CLSTN2: variants seen among roughly 807,000 people sequenced by gnomAD.
CLSTN2 encodes calsyntenin-2.
In CLSTN2, 48 loss-of-function variants were observed where a neutral mutation model predicts 101.2. The ratio of observed to expected loss-of-function variants is 0.47; its 90% CI spans 0.38 to 0.60. The LOEUF (loss-of-function observed/expected upper bound fraction) is 0.60, where lower values mean the gene tolerates loss of function less well. CLSTN2 is among the 20% of genes least tolerant of loss of function. The probability of loss-of-function intolerance (pLI) is 0.00; values close to 1 mark genes in which losing one functional copy is unlikely to be tolerated. For missense variants in CLSTN2, 1,160 were observed against 1,238.2 expected (o/e 0.94, Z 0.95); for synonymous variants, 481 against 463.6 (o/e 1.04, Z -0.48).
chr3:140,490,011 C>T (rs145476726), intron 8 of CLSTN2, among the ~76,000 whole-genome samples: 8 of 760 alleles, frequency 0.011, no homozygotes, highest in Non-Finnish European at 0.022. Context: ...AAAAGAAGTA[C>T]ATGTGTGTGT....
intron 1 of CLSTN2, among the ~76,000 whole-genome samples, chr3:140,007,277 G>C (rs909876305): frequency 6.6e-5 from 10 of 152,216 alleles, no homozygotes; most frequent in African/African-American, 2.4e-4. Flanking sequence ...GATCTGAGTT[G>C]AGACTGAATA....
In CLSTN2 at chr3:139,989,662, T is replaced by C. The variant is rs527474001; in HGVS notation, c.109+54179T>C. Among the ~76,000 whole-genome samples the C allele has an allele frequency of 3.3e-5, 5 of 152,308 alleles. No individual in the cohort carries two copies. In the East Asian group the frequency reaches 9.6e-4, roughly 29 times the overall value. On this transcript the variant is annotated intron_variant, in intron 1 of 16. Coordinates refer to ENST00000458420, the MANE Select transcript of CLSTN2 (RefSeq NM_022131.3). ...AGGATGTAAGAATCAATTGAGATAA[T>C]GTACTCAACAATTCTGCACTGAGCC...
At position 140,044,623 on chromosome 3, in the gene CLSTN2, T is replaced by C. The variant is rs573370116; in HGVS notation, c.109+109140T>C. Among the ~76,000 whole-genome samples, 213 of 152,338 alleles carry C rather than the reference T, an allele frequency of 1.4e-3. 1 individual carries two copies. Among genetic ancestry groups the C allele is most frequent in the African/African-American group, 4.7e-3 (196 of 41,568 alleles). On this transcript the variant is annotated intron_variant, in intron 1 of 16. Coordinates refer to ENST00000458420, the MANE Select transcript of CLSTN2 (RefSeq NM_022131.3). Reference sequence around the variant, plus strand: ...GTCTTGTGGCAGTTTTCAAAGGGAATTCTTCCAGTTTTTGCCCATTCAGTA... The same window carrying C: ...GTCTTGTGGCAGTTTTCAAAGGGAACTCTTCCAGTTTTTGCCCATTCAGTA...
At chr3:140,365,132 G>A (rs887981582) in intron 2 of CLSTN2, among the ~76,000 whole-genome samples, 1 of 152,156 alleles carries the variant, frequency 6.6e-6, no homozygotes. Flanking sequence ...CATCCCAAAC[G>A]GAGAACCAAC....
intron 1 of CLSTN2, among the ~76,000 whole-genome samples, chr3:139,965,772 C>T (rs772187652): frequency 6.6e-6 from 1 of 152,194 alleles, no homozygotes; most frequent in Non-Finnish European, 1.5e-5. Context: ...GTAGCCTCCT[C>T]CTTTCTCTAG....
At chr3:140,161,751 T>C (rs944676856) in intron 1 of CLSTN2, among the ~76,000 whole-genome samples, 1 of 152,096 alleles carries the variant, frequency 6.6e-6, no homozygotes, top group Admixed American at 6.6e-5. Flanking sequence ...CTTTCCTACC[T>C]GAGCAGCATG....
At chr3:140,186,616 T>C (rs902748532) in intron 2 of CLSTN2, among the ~76,000 whole-genome samples, 2 of 152,224 alleles carry the variant, frequency 1.3e-5, no homozygotes, top group African/African-American at 4.8e-5. Flanking sequence ...CTGTCCCCCA[T>C]GAATCTTGAC....
At chr3:140,385,454 C>T (rs755482360) in intron 2 of CLSTN2, among the ~76,000 whole-genome samples, 25 of 149,160 alleles carry the variant, frequency 1.7e-4, no homozygotes, top group Non-Finnish European at 2.8e-4. Context: ...CTGTAAACTC[C>T]TCCTCCCGGG....
At chr3:140,497,011 G>T (rs1025717255) in intron 8 of CLSTN2, among the ~76,000 whole-genome samples, 4 of 149,600 alleles carry the variant, frequency 2.7e-5, no homozygotes, top group Admixed American at 1.4e-4. Context: ...TGAGGCAGCA[G>T]AATCACTTGA....
intron 1 of CLSTN2, among the ~76,000 whole-genome samples, chr3:139,991,540 A>G (rs1460776639): frequency 6.6e-6 from 1 of 152,248 alleles, no homozygotes; most frequent in Non-Finnish European, 1.5e-5. Flanking sequence ...CCAAGAAGAC[A>G]TAGAGTGATG....
At chr3:139,993,524 C>G (rs553161220) in intron 1 of CLSTN2, among the ~76,000 whole-genome samples, 1 of 152,134 alleles carries the variant, frequency 6.6e-6, no homozygotes, top group African/African-American at 2.4e-5. Flanking sequence ...AAATGGATAT[C>G]AGAGCCTCAC....
At chr3:140,562,729 AC>A in intron 13 of CLSTN2, 81 bp from the exon 14 acceptor site, 1 of 1,445,638 alleles carries the variant, frequency 6.9e-7, no homozygotes, top group Non-Finnish European at 9.5e-7. Flanking sequence ...GAGGTCTTGT[AC>A]CACAAGCCCT....
intron 2 of CLSTN2, among the ~76,000 whole-genome samples, chr3:140,261,996 A>G (rs2086658108): frequency 6.6e-6 from 1 of 152,192 alleles, no homozygotes; most frequent in Admixed American, 6.5e-5. Context: ...GCTAATTAGT[A>G]TGATGCCATA....
chr3:140,066,946 T>C (rs1230225608), intron 1 of CLSTN2, among the ~76,000 whole-genome samples: 2 of 152,216 alleles, frequency 1.3e-5, no homozygotes, highest in Non-Finnish European at 2.9e-5. Context: ...TTATCATTGG[T>C]GTATTTTAAT....
At chr3:140,349,239 G>A (rs1477408930) in intron 2 of CLSTN2, among the ~76,000 whole-genome samples, 1 of 152,188 alleles carries the variant, frequency 6.6e-6, no homozygotes, top group African/African-American at 2.4e-5. Context: ...GCAGAACTGT[G>A]AGTCAATGAA....
At chr3:140,148,400 C>T (rs897924954) in intron 1 of CLSTN2, among the ~76,000 whole-genome samples, 3 of 152,032 alleles carry the variant, frequency 2.0e-5, no homozygotes, top group Admixed American at 6.5e-5. Flanking sequence ...TTTTTTTGTT[C>T]GAAGTCATTA....
chr3:140,275,687 G>A (rs1027510504), intron 2 of CLSTN2, among the ~76,000 whole-genome samples: 7 of 152,148 alleles, frequency 4.6e-5, no homozygotes, highest in African/African-American at 1.4e-4. Flanking sequence ...CTGCAAAAGC[G>A]GGTTCTGAGC....
intron 2 of CLSTN2, among the ~76,000 whole-genome samples, chr3:140,378,300 A>G (rs1342552518): frequency 1.3e-5 from 2 of 152,238 alleles, no homozygotes; most frequent in African/African-American, 2.4e-5. Context: ...GATGACATGT[A>G]GTAGATGCTC....
At chr3:140,160,757 G>A (rs1411182413) in intron 1 of CLSTN2, among the ~76,000 whole-genome samples, 1 of 152,068 alleles carries the variant, frequency 6.6e-6, no homozygotes, top group Non-Finnish European at 1.5e-5. Flanking sequence ...ACCACATGGT[G>A]GGGAAAGATG....
Sources: gnomAD v4.1 joint callset for allele counts (sites outside exome capture counted in the v4.1 genomes callset) on GRCh38, gnomAD v4.1.1 for gene constraint, MANE v1.5 for transcripts, NCBI Gene and HGNC (gene_info 2026-07-23, HGNC 2026-07-21) for gene names.